The following ROR1 variants were observed in gnomAD, a reference collection of about 807,000 sequenced individuals.
ROR1 encodes the protein ROR family WNT receptor 1.
Under a neutral mutation model 78.8 loss-of-function variants are expected in ROR1, and 19 were observed. The observed-to-expected ratio is 0.24, with a 90% CI of 0.17 to 0.35. The LOEUF (loss-of-function observed/expected upper bound fraction) is 0.35, where lower values mean the gene tolerates loss of function less well. ROR1 is among the 10% of genes least tolerant of loss of function. The pLI, the probability that ROR1 is intolerant of heterozygous loss-of-function variation, is 1.00. For missense variants in ROR1, 917 were observed against 1,177.8 expected (o/e 0.78, Z 3.24); for synonymous variants, 386 against 433.6 (o/e 0.89, Z 1.36).
In ROR1 at chr1:64,180,576, G is replaced by C. The variant is rs909485636; in HGVS notation, c.*1721G>C. 2.0e-5 allele frequency: 3 copies of C among 152,152 alleles called. No individual in the cohort carries two copies. The highest frequency in any genetic ancestry group is 2.9e-5 in the Non-Finnish European group (2 of 68,014). 9.4% of individuals were successfully genotyped at this position (152,152 alleles called of 1,614,324 possible). A position where few individuals can be genotyped will look rare whatever the true frequency, so the allele number is the denominator to read the frequency against. Reference sequence around the variant, plus strand: ...GAATTGGTTATATCCAGATTTCTGGGAGATAAATTAAAACATATTTTTGTG... The same window carrying C: ...GAATTGGTTATATCCAGATTTCTGGCAGATAAATTAAAACATATTTTTGTG... On this transcript the variant is annotated 3_prime_UTR_variant, in exon 9 of 9. Transcript: ENST00000371079.
intron 1 of ROR1, among the ~76,000 whole-genome samples, chr1:63,823,376 A>G (rs1052493083): frequency 6.6e-6 from 1 of 151,568 alleles, no homozygotes; most frequent in Non-Finnish European, 1.5e-5. Context: ...GACCTAATAG[A>G]TACAAGGTTT....
At chr1:63,859,298 A>G (rs955834214) in intron 1 of ROR1, among the ~76,000 whole-genome samples, 1 of 152,246 alleles carries the variant, frequency 6.6e-6, no homozygotes, top group Admixed American at 6.5e-5. Context: ...GAAGATGAAG[A>G]TCCCCTCTTC....
chr1:63,940,498 C>T (rs12047053), intron 1 of ROR1, among the ~76,000 whole-genome samples: 2,371 of 75,160 alleles, frequency 0.032, 24 homozygotes, highest in East Asian at 0.2. Flanking sequence ...GATAGACAGA[C>T]AGATAGATAG....
intron 1 of ROR1, among the ~76,000 whole-genome samples, chr1:63,794,148 A>C (rs1026710756): frequency 6.6e-6 from 1 of 152,170 alleles, no homozygotes; most frequent in Non-Finnish European, 1.5e-5. Context: ...CCAAAGTCAA[A>C]ATATGGGCTC....
intron 1 of ROR1, among the ~76,000 whole-genome samples, chr1:63,918,886 G>A (rs755019595): frequency 3.3e-5 from 5 of 152,120 alleles, no homozygotes; most frequent in Admixed American, 1.3e-4. Context: ...CTGTCTCCGC[G>A]AGACAATGAC....
At position 64,127,709 on chromosome 1, in the gene ROR1, C is replaced by T. The variant is rs377513812; in HGVS notation, c.483-9660C>T. Among the ~76,000 whole-genome samples the T allele has an allele frequency of 8.5e-4, 129 of 152,250 alleles. 1 individual carries two copies. Among genetic ancestry groups the T allele is most frequent in the African/African-American group, 3.0e-3 (126 of 41,534 alleles). ...GATGTCTACCTCGAGGCCTAGAATA[C>T]TGTTGAGCATAGAATAAAATCTCAA... is the stretch of plus-strand genomic sequence containing the variant. On this transcript the variant is annotated intron_variant, in intron 4 of 8. Transcript: ENST00000371079.
At chr1:63,945,484 A>G (rs1645879446) in intron 1 of ROR1, among the ~76,000 whole-genome samples, 1 of 152,086 alleles carries the variant, frequency 6.6e-6, no homozygotes, top group Admixed American at 6.5e-5. Flanking sequence ...TATAGTTTGA[A>G]AAACACTGAT....
At chr1:64,029,736 T>A (rs1182676287) in intron 2 of ROR1, among the ~76,000 whole-genome samples, 2 of 152,154 alleles carry the variant, frequency 1.3e-5, no homozygotes, top group Non-Finnish European at 2.9e-5. Context: ...CCTCATTAAA[T>A]GTCATCTCCT....
At chr1:63,885,590 T>C (rs758164780) in intron 1 of ROR1, among the ~76,000 whole-genome samples, 4 of 152,144 alleles carry the variant, frequency 2.6e-5, no homozygotes, top group African/African-American at 4.8e-5. Flanking sequence ...GAGGTTTCTC[T>C]TTTGGGAAAG....
At chr1:64,171,913 G>T (rs571202370) in intron 8 of ROR1, among the ~76,000 whole-genome samples, 11 of 152,152 alleles carry the variant, frequency 7.2e-5, no homozygotes, top group Admixed American at 3.9e-4. Context: ...ATATCCTATG[G>T]TAATCACTTC....
chr1:63,928,858 A>G (rs1645729105), intron 1 of ROR1, among the ~76,000 whole-genome samples: 1 of 152,212 alleles, frequency 6.6e-6, no homozygotes, highest in Non-Finnish European at 1.5e-5. Context: ...AGAGAGGCCA[A>G]GATCTGGGCT....
chr1:64,022,432 A>G (rs992135028), intron 2 of ROR1, among the ~76,000 whole-genome samples: 28 of 152,224 alleles, frequency 1.8e-4, no homozygotes, highest in Non-Finnish European at 3.5e-4. Context: ...AGAAAACTCT[A>G]AATAAACAAA....
At chr1:64,131,944 T>C (rs1052664835) in intron 4 of ROR1, among the ~76,000 whole-genome samples, 5 of 152,186 alleles carry the variant, frequency 3.3e-5, no homozygotes, top group Non-Finnish European at 5.9e-5. Flanking sequence ...TTAAAATGAA[T>C]AAGTCAATAG....
rs779132379 is a variant in ROR1 at position 64,050,687 on chromosome 1, C to T, written c.453C>T (p.Gly151=). Residue 151 remains glycine (G), a splice_region_variant and synonymous_variant, in exon 4 of 9, where the codon GGC becomes GGT. Coordinates refer to ENST00000371079, the MANE Select transcript of ROR1 (RefSeq NM_005012.4). ...TTTGTTTTTCTTTCATTTCTTCAGGCCCCCCTCCCACTGCAAGTCCAGGAT... is the reference window on the plus strand; with the variant it reads ...TTTGTTTTTCTTTCATTTCTTCAGGTCCCCCTCCCACTGCAAGTCCAGGAT... ...SSTGVLFVKF[G]PPPTASPGYS... is the part of the protein sequence containing the mutation. 1 of 1,612,904 alleles carries T rather than the reference C, an allele frequency of 6.2e-7. No homozygotes were observed. The highest frequency in any genetic ancestry group is 8.5e-7 in the Non-Finnish European group (1 of 1,179,038).
chr1:64,159,281 GAT>G, intron 8 of ROR1, 89 bp downstream of exon 8: 1 of 1,009,928 alleles, frequency 9.9e-7, no homozygotes, highest in Non-Finnish European at 1.5e-6. Context: ...GAAATCGAAT[GAT>G]ATGGAATCAG....
chr1:64,080,914 A>G (rs1647096480), intron 4 of ROR1, among the ~76,000 whole-genome samples: 1 of 152,234 alleles, frequency 6.6e-6, no homozygotes, highest in African/African-American at 2.4e-5. Flanking sequence ...ACAAATACAG[A>G]CTGAGAAAAT....
At chr1:63,861,645 C>T (rs1645182605) in intron 1 of ROR1, among the ~76,000 whole-genome samples, 1 of 152,216 alleles carries the variant, frequency 6.6e-6, no homozygotes. Flanking sequence ...TGTCTTTCTG[C>T]ATCTGTGATT....
At chr1:64,080,006 A>C (rs532323103) in intron 4 of ROR1, among the ~76,000 whole-genome samples, 1 of 152,258 alleles carries the variant, frequency 6.6e-6, no homozygotes, top group South Asian at 2.1e-4. Context: ...ATCCCTTCTC[A>C]TTGTGGATCT....
Position 64,097,575 on chromosome 1 carries a change from G to GTATATATA in ROR1, c.483-39787_483-39780dup, listed in dbSNP as rs10632011. On this transcript the variant is annotated intron_variant, in intron 4 of 8. Transcript: ENST00000371079. Reference sequence around the variant, plus strand: ...CATACATATATACATATTTCATATAGTATATATATATATAAGGCCTTGAGA... The same window carrying GTATATATA: ...CATACATATATACATATTTCATATAGTATATATATATATATATATATAAGGCCTTGAGA... Among the ~76,000 whole-genome samples, 543 of 149,112 alleles carry GTATATATA rather than the reference G, an allele frequency of 3.6e-3. 2 individuals are homozygous for GTATATATA. The highest frequency in any genetic ancestry group is 0.012 in the African/African-American group (494 of 40,620).
Sources: allele counts gnomAD v4.1 joint callset (sites outside exome capture counted in the v4.1 genomes callset), GRCh38; gene constraint gnomAD v4.1.1; transcripts MANE v1.5; gene names NCBI Gene and HGNC (gene_info 2026-07-23, HGNC 2026-07-21).